TASL: variants seen among roughly 807,000 people sequenced by gnomAD.
The protein encoded by TASL is TLR adapter interacting with SLC15A4 on the lysosome.
A neutral mutation model predicts 12.9 loss-of-function variants in TASL; 6 were observed. The observed-to-expected ratio is 0.46, with a 90% CI of 0.25 to 0.92. The LOEUF (loss-of-function observed/expected upper bound fraction) is 0.92, where lower values mean the gene tolerates loss of function less well. TASL is among the 40% of genes least tolerant of loss of function. TASL has a pLI of 0.17. For missense variants in TASL, 165 were observed against 212.8 expected, an observed-to-expected ratio of 0.78 and a Z score of 1.40; for synonymous variants, 85 against 79.3, an observed-to-expected ratio of 1.07 and a Z score of -0.38.
chrX:30,571,352 C>T (rs1487847556), intron 2 of TASL, among the ~76,000 whole-genome samples: 1 of 108,524 alleles, frequency 9.2e-6, no homozygotes, highest in Non-Finnish European at 1.9e-5. Flanking sequence ...GGCGTGGTGG[C>T]TCACGCCTGT....
intron 2 of TASL, among the ~76,000 whole-genome samples, chrX:30,569,740 C>T (rs899918377): frequency 9.9e-5 from 11 of 111,507 alleles, no homozygotes; most frequent in Non-Finnish European, 1.3e-4. Context: ...GGGCCGGGCA[C>T]GGTGGCTCAC....
At chrX:30,572,393 G>C (rs1013776240) in intron 2 of TASL, among the ~76,000 whole-genome samples, 1 of 111,797 alleles carries the variant, frequency 8.9e-6, no homozygotes. Context: ...GTATAATATG[G>C]TATTTTGAAG....
At chrX:30,562,364 C>T (rs1173676492) in intron 2 of TASL, among the ~76,000 whole-genome samples, 2 of 111,685 alleles carry the variant, frequency 1.8e-5, no homozygotes, top group African/African-American at 6.5e-5. Context: ...TTATCTCATG[C>T]CCGGCATGGT....
In TASL at chrX:30,559,387, A is replaced by G. The variant is rs1930383451; in HGVS notation, c.*63T>C. 3.3e-6 allele frequency: 3 copies of G among 904,458 alleles called. No homozygotes were observed. Among genetic ancestry groups the G allele is most frequent in the Non-Finnish European group, 4.6e-6 (3 of 647,100 alleles). 74.5% of individuals were successfully genotyped at this position (904,458 alleles called of 1,213,427 possible). On this transcript the variant is annotated 3_prime_UTR_variant, in exon 3 of 3. Coordinates refer to ENST00000378962, the MANE Select transcript of TASL (RefSeq NM_025159.3). The stretch of plus-strand genomic sequence containing the variant: ...CTAACCCCTCCTGCACATTCTCAGA[A>G]TAAATGGATAAAGTGTTGCTTCATG...
chrX:30,561,545 A>G (rs959363875), intron 2 of TASL, among the ~76,000 whole-genome samples: 3 of 112,080 alleles, frequency 2.7e-5, no homozygotes, highest in Non-Finnish European at 5.6e-5. Context: ...TGAACTTGTA[A>G]TGTCAAATAA....
chrX:30,570,767 A>G (rs1930581464), intron 2 of TASL, among the ~76,000 whole-genome samples: 1 of 112,511 alleles, frequency 8.9e-6, no homozygotes, highest in South Asian at 3.6e-4. Flanking sequence ...AGCTATGCAG[A>G]GTAATAATAC....
At chrX:30,570,236 T>TCTCACA (rs776508369) in intron 2 of TASL, among the ~76,000 whole-genome samples, 8 of 99,772 alleles carry the variant, frequency 8.0e-5, no homozygotes, top group African/African-American at 3.0e-4. Context: ...ACTCTCTCTC[T>TCTCACA]CACACACACA....
intron 2 of TASL, 24 bp from the exon 3 acceptor site, chrX:30,560,380 G>A (rs1338234226): frequency 9.3e-7 from 1 of 1,073,675 alleles, no homozygotes; most frequent in Non-Finnish European, 1.2e-6. Context: ...TGATGAGTAA[G>A]AATGGGGAAA....
Position 30,559,820 on chromosome X carries a change from T to G in TASL, c.536A>C (p.Lys179Thr). ...ATAGGATGAGTACCGCTGGATAGGT[T>G]TTTGGGGAAAGTCACTGGGCTGAGT... The part of the protein sequence containing the change: ...ISTQPSDFPQ[K>T]PIQRYSSYWR... The change falls in exon 3 of 3, where the codon AAA (lysine) becomes ACA (threonine). Residue 179 changes from lysine to threonine, a missense_variant. Lys to Thr is a moderately conservative substitution (Grantham distance 78, BLOSUM62 -1). Transcript: ENST00000378962. 1 of 1,210,641 alleles carries G rather than the reference T, an allele frequency of 8.3e-7. No individual in the cohort carries two copies. Among genetic ancestry groups the G allele is most frequent in the Non-Finnish European group, 1.1e-6 (1 of 895,091 alleles).
intron 2 of TASL, among the ~76,000 whole-genome samples, chrX:30,571,310 G>T (rs1569306201): frequency 1.0e-5 from 1 of 96,752 alleles, no homozygotes; most frequent in Non-Finnish European, 2.2e-5. Flanking sequence ...AAGAAAGAAA[G>T]AAAGAAAGAA....
At chrX:30,571,187 AGAAAGAAAGAAG>A (rs201009520) in intron 2 of TASL, among the ~76,000 whole-genome samples, 76 of 104,260 alleles carry the variant, frequency 7.3e-4, no homozygotes, top group East Asian at 7.1e-3. Flanking sequence ...TCTCAGAAAA[AGAAAGAAAGAAG>A]GAAAGAAAGA....
At chrX:30,568,292 C>T (rs1418675814) in intron 2 of TASL, among the ~76,000 whole-genome samples, 1 of 110,572 alleles carries the variant, frequency 9.0e-6, no homozygotes, top group Non-Finnish European at 1.9e-5. Context: ...GATGGCATTT[C>T]CTGTACAGCT....
At chrX:30,561,654 T>C (rs1233555651) in intron 2 of TASL, among the ~76,000 whole-genome samples, 1 of 111,575 alleles carries the variant, frequency 9.0e-6, no homozygotes, top group Non-Finnish European at 1.9e-5. Flanking sequence ...GTAAATAAAA[T>C]GTTTCCCTTT....
At chrX:30,563,855 GAGA>G (rs1218446079) in intron 2 of TASL, among the ~76,000 whole-genome samples, 2 of 111,931 alleles carry the variant, frequency 1.8e-5, no homozygotes, top group African/African-American at 3.2e-5. Context: ...TGACTTGTCT[GAGA>G]AGAAGAGCAA....
intron 2 of TASL, among the ~76,000 whole-genome samples, chrX:30,574,062 A>G (rs1239549006): frequency 9.0e-6 from 1 of 111,086 alleles, no homozygotes; most frequent in South Asian, 3.8e-4. Flanking sequence ...TCCTCATCTC[A>G]TCTCTGCCTG....
chrX:30,568,941 C>T (rs1473798942), intron 2 of TASL, among the ~76,000 whole-genome samples: 1 of 101,576 alleles, frequency 9.8e-6, no homozygotes, highest in Non-Finnish European at 2.0e-5. Flanking sequence ...AAAGTGCATC[C>T]TAGTGTCTAG....
intron 2 of TASL, among the ~76,000 whole-genome samples, chrX:30,576,158 A>G (rs1930701217): frequency 8.9e-6 from 1 of 112,236 alleles, no homozygotes; most frequent in South Asian, 3.6e-4. Flanking sequence ...TCTAAAGGAC[A>G]TGTGGATAAT....
chrX:30,570,028 A>G (rs1167022110), intron 2 of TASL, among the ~76,000 whole-genome samples: 1 of 109,767 alleles, frequency 9.1e-6, no homozygotes, highest in Non-Finnish European at 1.9e-5. Context: ...AAAGAAAAAA[A>G]AAAATCTATA....
intron 2 of TASL, among the ~76,000 whole-genome samples, chrX:30,572,478 GA>G (rs773486775): frequency 1.8e-5 from 2 of 112,023 alleles, no homozygotes; most frequent in East Asian, 5.6e-4. Context: ...TTTGTGGTGA[GA>G]ATACTTATAT....
Sources: allele counts gnomAD v4.1 joint callset (sites outside exome capture counted in the v4.1 genomes callset), GRCh38; gene constraint gnomAD v4.1.1; transcripts MANE v1.5; gene names NCBI Gene and HGNC (gene_info 2026-07-23, HGNC 2026-07-21).